CABIN1: variants seen among roughly 807,000 people sequenced by gnomAD.
CABIN1 encodes the protein calcineurin binding protein 1.
A neutral mutation model predicts 227.7 loss-of-function variants in CABIN1; 133 were observed. That is an observed-to-expected ratio of 0.58 (90% confidence interval 0.51 to 0.67). The LOEUF (loss-of-function observed/expected upper bound fraction) is 0.67. Among genes scored for constraint, CABIN1 ranks in the 30% least tolerant of loss-of-function variants. The pLI, the probability that CABIN1 is intolerant of heterozygous loss-of-function variation, is 0.00. For missense variants in CABIN1, 2,408 were observed against 2,852.5 expected (o/e 0.84, Z 3.55); for synonymous variants, 1,086 against 1,155.1 (o/e 0.94, Z 1.21).
rs757756542 is a variant in CABIN1 at position 24,167,001 on chromosome 22, C to T, written c.5370C>T (p.Pro1790=). Residue 1790 remains proline (P), a synonymous_variant, in exon 32 of 37, where the codon CCC becomes CCT. Coordinates refer to ENST00000263119, the MANE Select transcript of CABIN1 (RefSeq NM_012295.4). ...GTCGCCCCGCAAGGGACCGGGGCCC[C>T]GAGAGCCGGCCCACTGAGCTGTCCC... ...LPGRPARDRG[P]ESRPTELSLE... is the part of the protein sequence containing the mutation. 5.8e-6 allele frequency: 9 copies of T among 1,563,406 alleles called. No homozygotes were observed. The highest frequency in any genetic ancestry group is 2.4e-5 in the East Asian group (1 of 41,732).
At chr22:24,174,538 G>T (rs1044596048) in intron 34 of CABIN1, among the ~76,000 whole-genome samples, 10 of 152,188 alleles carry the variant, frequency 6.6e-5, no homozygotes, top group Non-Finnish European at 1.0e-4. Flanking sequence ...CTGTCCCTCT[G>T]CCTGGGGCTG....
chr22:24,166,240 C>T (rs1381611968), intron 31 of CABIN1, among the ~76,000 whole-genome samples: 2 of 152,222 alleles, frequency 1.3e-5, no homozygotes, highest in African/African-American at 4.8e-5. Context: ...AGCAAACATG[C>T]TTGGTGGCCC....
At chr22:24,095,692 C>T (rs1022119272) in intron 24 of CABIN1, among the ~76,000 whole-genome samples, 6 of 152,222 alleles carry the variant, frequency 3.9e-5, no homozygotes, top group Non-Finnish European at 8.8e-5. Context: ...CATCTCACTA[C>T]CATGTGCCTG....
chr22:24,130,177 C>T (rs982795289), intron 28 of CABIN1, among the ~76,000 whole-genome samples: 5 of 152,194 alleles, frequency 3.3e-5, no homozygotes, highest in African/African-American at 1.2e-4. Context: ...GCAAGTGGCT[C>T]CATGGGCCTC....
At chr22:24,041,836 T>C (rs1192351603) in intron 5 of CABIN1, among the ~76,000 whole-genome samples, 1 of 152,210 alleles carries the variant, frequency 6.6e-6, no homozygotes, top group Admixed American at 6.5e-5. Context: ...ATCCTCACTT[T>C]AGTGATGAGG....
At chr22:24,071,301 G>A in intron 17 of CABIN1, 1 of 532,586 alleles carries the variant, frequency 1.9e-6, no homozygotes, top group Non-Finnish European at 3.4e-6. Context: ...CCGTCCCAGA[G>A]GGGAAGAAAT....
Position 24,059,340 on chromosome 22 carries a change from A to G in CABIN1, c.1376A>G (p.Asp459Gly). 1 of 1,614,150 alleles carries G rather than the reference A, an allele frequency of 6.2e-7. No homozygotes were observed. Among genetic ancestry groups the G allele is most frequent in the Non-Finnish European group, 8.5e-7 (1 of 1,180,008 alleles). ...ATTGGGCCTCAAAGGCTGTCATTTGACTCAGCCACATTCATGGAATCTGGT... is the reference window on the plus strand; with the variant it reads ...ATTGGGCCTCAAAGGCTGTCATTTGGCTCAGCCACATTCATGGAATCTGGT... ...PSIGPQRLSF[D>G]SATFMESEKQ... is the part of the protein sequence containing the mutation. Residue 459 changes from aspartate to glycine, a missense_variant, in exon 11 of 37, where the codon GAC becomes GGC. Coordinates refer to ENST00000263119, the MANE Select transcript of CABIN1 (RefSeq NM_012295.4).
intron 10 of CABIN1, 142 bp downstream of exon 10, chr22:24,056,502 G>A: frequency 2.4e-6 from 2 of 831,854 alleles, no homozygotes; most frequent in Non-Finnish European, 3.9e-6. Flanking sequence ...GATGTCTGAA[G>A]CACAAATCTC....
At chr22:24,070,667 T>G in intron 16 of CABIN1, 133 bp from the exon 17 acceptor site, 3 of 1,329,342 alleles carry the variant, frequency 2.3e-6, no homozygotes, top group Non-Finnish European at 3.2e-6. Flanking sequence ...ATGGGGCCTA[T>G]GTTGTGCTGG....
intron 9 of CABIN1, 145 bp from the exon 10 acceptor site, chr22:24,056,047 T>A (rs562270062): frequency 1.5e-5 from 11 of 710,814 alleles, no homozygotes; most frequent in African/African-American, 8.9e-5. Flanking sequence ...GATTCTTTGT[T>A]GTTGAAGAAG....
chr22:24,160,693 AG>A (rs1264321281), intron 29 of CABIN1, among the ~76,000 whole-genome samples: 2 of 152,220 alleles, frequency 1.3e-5, no homozygotes, highest in Non-Finnish European at 2.9e-5. Context: ...ATGAGCCATG[AG>A]CCATGGGCCT....
In CABIN1 at chr22:24,178,169, C is replaced by T. The variant is rs140560210; in HGVS notation, c.6636C>T (p.Asp2212=). The T allele has an allele frequency of 4.3e-5, 70 of 1,613,354 alleles. No individual in the cohort carries two copies. The highest frequency in any genetic ancestry group is 1.6e-4 in the Middle Eastern group (1 of 6,074). The change falls in exon 37 of 37, where the codon GAC becomes GAT. Residue 2212 remains aspartate (D), a synonymous_variant. Transcript: ENST00000263119. ...AGTCCTCGCTGGAGAGCGAGACAGACGAGGACGACGACTACATGGACATTT... is the reference window on the plus strand; with the variant it reads ...AGTCCTCGCTGGAGAGCGAGACAGATGAGGACGACGACTACATGGACATTT... ...SQESSLESET[D]EDDDYMDI
Position 24,164,426 on chromosome 22 carries a change from G to C in CABIN1, c.4773G>C (p.Glu1591Asp). The change falls in exon 30 of 37, where the codon GAG becomes GAC. Residue 1591 changes from glutamate (E) to aspartate (D), a missense_variant. Physicochemically the swap from Glu to Asp is conservative, Grantham distance 45 (BLOSUM62 2). Coordinates refer to ENST00000263119, the MANE Select transcript of CABIN1 (RefSeq NM_012295.4). The stretch of plus-strand genomic sequence containing the variant: ...GCATCTGGCGGATCCCCGTGGACGA[G>C]ATTGACCGGCCGGGCAGCTTTGCCT... ...FNGIWRIPVD[E>D]IDRPGSFAWH... The C allele has an allele frequency of 1.2e-6, 2 of 1,604,932 alleles. No homozygotes were observed. Among genetic ancestry groups the C allele is most frequent in the South Asian group, 1.1e-5 (1 of 91,086 alleles).
chr22:24,021,211 G>T (rs1273796290), intron 1 of CABIN1, among the ~76,000 whole-genome samples: 1 of 151,476 alleles, frequency 6.6e-6, no homozygotes, highest in East Asian at 1.9e-4. Context: ...TAGAGATGGG[G>T]GTCTCACTAT....
rs1397807182 is a variant in CABIN1, at chr22:24,167,272, G to T, written c.5641G>T (p.Val1881Leu). Residue 1881 changes from valine (V) to leucine (L), a missense_variant, in exon 32 of 37, where the codon GTG (valine) becomes TTG (leucine). Transcript: ENST00000263119. ...QKGVAYDLGR[V>L]ERIMSETYML... is the part of the protein sequence containing the mutation. ...GGGTGTGGCCTATGACCTGGGCCGT[G>T]TGGAGAGGATCATGTCGGAGACCTA... is the stretch of plus-strand genomic sequence containing the variant. The T allele has an allele frequency of 6.2e-7, 1 of 1,613,408 alleles. No homozygotes were observed. The highest frequency in any genetic ancestry group is 8.5e-7 in the Non-Finnish European group (1 of 1,179,978).
chr22:24,059,446 G>A, intron 11 of CABIN1, 83 bp downstream of exon 11: 1 of 1,529,034 alleles, frequency 6.5e-7, no homozygotes, highest in Non-Finnish European at 8.9e-7. Context: ...TGTTCTGGGA[G>A]AATGGTTCTG....
intron 13 of CABIN1, 77 bp from the exon 14 acceptor site, chr22:24,062,882 C>G: frequency 6.8e-7 from 1 of 1,461,010 alleles, no homozygotes; most frequent in Non-Finnish European, 9.6e-7. Context: ...TGGTTAGGGC[C>G]AAGTGCAACT....
In CABIN1 at chr22:24,095,915, G is replaced by T. The variant is rs201655471; in HGVS notation, c.3787-16G>T. ...AACTGGGAAGGCTGCTCACACTAGA[G>T]GTGTCGTTCTCCTAGGTGTACTTTC... On this transcript the variant is annotated splice_polypyrimidine_tract_variant and intron_variant, in intron 24 of 36. Coordinates refer to ENST00000263119, the MANE Select transcript of CABIN1 (RefSeq NM_012295.4). 2 of 1,613,874 alleles carry T rather than the reference G, an allele frequency of 1.2e-6. No individual in the cohort carries two copies. Among genetic ancestry groups the T allele is most frequent in the African/African-American group, 2.7e-5 (2 of 75,008 alleles).
intron 30 of CABIN1, among the ~76,000 whole-genome samples, chr22:24,165,139 G>A (rs1414021013): frequency 1.3e-5 from 2 of 152,236 alleles, no homozygotes; most frequent in Non-Finnish European, 2.9e-5. Context: ...CTCCTCCCAT[G>A]CCTGCACTGT....
Sources: gnomAD v4.1 joint callset for allele counts (sites outside exome capture counted in the v4.1 genomes callset) on GRCh38, gnomAD v4.1.1 for gene constraint, MANE v1.5 for transcripts, NCBI Gene and HGNC (gene_info 2026-07-23, HGNC 2026-07-21) for gene names.